Variants in FUCA1 observed in about 807,000 individuals in gnomAD.
FUCA1 encodes alpha-L-fucosidase 1.
A neutral mutation model predicts 56.8 loss-of-function variants in FUCA1; 52 were observed. The observed-to-expected ratio is 0.92, with a 90% CI of 0.73 to 1.15. FUCA1 has a LOEUF of 1.15. Ranked by LOEUF, FUCA1 falls within the 50% of genes most tolerant of loss-of-function variation. The pLI, the probability that FUCA1 is intolerant of heterozygous loss-of-function variation, is 0.00. For missense variants in FUCA1, 568 were observed against 592.6 expected, an observed-to-expected ratio of 0.96 and a Z score of 0.43; for synonymous variants, 230 against 226.6, an observed-to-expected ratio of 1.02 and a Z score of -0.14.
chr1:23,865,447 C>T, intron 2 of FUCA1, 44 bp downstream of exon 2: 1 of 1,613,646 alleles, frequency 6.2e-7, no homozygotes, highest in Non-Finnish European at 8.5e-7. Context: ...CTCTTGACAG[C>T]CAGATCCAAA....
intron 3 of FUCA1, among the ~76,000 whole-genome samples, chr1:23,861,159 T>C (rs1639502622): frequency 6.6e-6 from 1 of 151,024 alleles, no homozygotes; most frequent in African/African-American, 2.4e-5. Flanking sequence ...CCATCTCTAC[T>C]AAAAATACAA....
At chr1:23,852,628 A>G (rs2148441264) in intron 5 of FUCA1, among the ~76,000 whole-genome samples, 1 of 152,132 alleles carries the variant, frequency 6.6e-6, no homozygotes, top group South Asian at 2.1e-4. Flanking sequence ...GGTGCGCGCC[A>G]CCACGCCTGA....
chr1:23,852,845 G>A (rs1040704018), intron 5 of FUCA1, among the ~76,000 whole-genome samples: 2 of 151,776 alleles, frequency 1.3e-5, no homozygotes, highest in African/African-American at 2.4e-5. Flanking sequence ...CCTCCCAGCC[G>A]CCTGCCTTGG....
intron 2 of FUCA1, 148 bp downstream of exon 2, chr1:23,865,343 C>A: frequency 9.9e-7 from 1 of 1,006,850 alleles, no homozygotes; most frequent in East Asian, 2.5e-5. Flanking sequence ...ATATGCAAAC[C>A]TAGAAAACAC....
chr1:23,846,239 AT>A (rs1639137643), intron 6 of FUCA1, 66 bp from the exon 7 acceptor site: 1 of 985,312 alleles, frequency 1.0e-6, no homozygotes, highest in East Asian at 2.4e-5. Context: ...AACTTTATAC[AT>A]TTCCTCCTTT....
chr1:23,848,942 T>G, intron 5 of FUCA1, 103 bp from the exon 6 acceptor site: 1 of 986,238 alleles, frequency 1.0e-6, no homozygotes, highest in East Asian at 2.5e-5. Flanking sequence ...CACTCTGTTT[T>G]TTAAATATCC....
At chr1:23,856,390 T>C (rs1037591099) in intron 4 of FUCA1, among the ~76,000 whole-genome samples, 1 of 152,166 alleles carries the variant, frequency 6.6e-6, no homozygotes, top group African/African-American at 2.4e-5. Context: ...TACCCTCCAC[T>C]TTGGCATTCG....
chr1:23,852,555 C>T (rs1460753612), intron 5 of FUCA1, among the ~76,000 whole-genome samples: 5 of 152,176 alleles, frequency 3.3e-5, no homozygotes, highest in East Asian at 3.9e-4. Flanking sequence ...GCTGCCACCT[C>T]GGGTCACTGC....
chr1:23,865,342 C>G (rs1162129959), intron 2 of FUCA1, 149 bp downstream of exon 2: 8 of 997,074 alleles, frequency 8.0e-6, no homozygotes, highest in Middle Eastern at 2.4e-4. Flanking sequence ...TATATGCAAA[C>G]CTAGAAAACA....
intron 5 of FUCA1, among the ~76,000 whole-genome samples, chr1:23,852,021 A>T (rs528964629): frequency 2.7e-4 from 41 of 152,116 alleles, no homozygotes; most frequent in African/African-American, 8.9e-4. Context: ...AATTTAAAGT[A>T]AAATTTAAAA....
Position 23,868,178 on chromosome 1 carries a change from AGCG to A in FUCA1, c.106_108del (p.Arg36del), listed in dbSNP as rs1390121589. The A allele has an allele frequency of 6.2e-7, 1 of 1,605,574 alleles. No individual in the cohort carries two copies. Among genetic ancestry groups the A allele is most frequent in the Non-Finnish European group, 8.5e-7 (1 of 1,177,152 alleles). The stretch of plus-strand genomic sequence containing the variant: ...TCCAGGCTCGGCCAGTCTGGGGTGT[AGCG>A]GCGCGGAGGCTGGGCCCGACGCACC... On this transcript the variant is annotated inframe_deletion, in exon 1 of 8. Coordinates refer to ENST00000374479, the MANE Select transcript of FUCA1 (RefSeq NM_000147.5).
intron 3 of FUCA1, among the ~76,000 whole-genome samples, chr1:23,862,861 C>T (rs1000046142): frequency 4.6e-5 from 7 of 152,156 alleles, no homozygotes; most frequent in Non-Finnish European, 7.3e-5. Flanking sequence ...ATAGGGAAAA[C>T]GGCATGTAAG....
In FUCA1 at chr1:23,866,265, T is replaced by C. The variant is rs144012957; in HGVS notation, c.390-640A>G. Among the ~76,000 whole-genome samples the C allele has an allele frequency of 1.3e-4, 20 of 152,306 alleles. No homozygotes were observed. In the East Asian group the frequency reaches 3.1e-3, roughly 24 times the overall value. On this transcript the variant is annotated intron_variant, in intron 1 of 7. Coordinates refer to ENST00000374479, the MANE Select transcript of FUCA1 (RefSeq NM_000147.5). ...AGACAGAGGTTGCAGTGAGCCGAGA[T>C]CATGCAACTGTACTCCAGCCTGGGC...
intron 4 of FUCA1, among the ~76,000 whole-genome samples, chr1:23,858,870 C>T (rs775244586): frequency 1.3e-5 from 2 of 152,100 alleles, no homozygotes; most frequent in Non-Finnish European, 2.9e-5. Context: ...ACGTCAGCCT[C>T]CCCCCACATC....
chr1:23,865,948 A>G (rs1639615481), intron 1 of FUCA1, among the ~76,000 whole-genome samples: 1 of 152,228 alleles, frequency 6.6e-6, no homozygotes. Context: ...GGTAGGAACG[A>G]TTAACTTTCT....
At chr1:23,861,286 G>A (rs1639506393) in intron 3 of FUCA1, among the ~76,000 whole-genome samples, 1 of 123,404 alleles carries the variant, frequency 8.1e-6, no homozygotes, top group African/African-American at 3.2e-5. Context: ...TTGCGCCACT[G>A]TACTCCAGCC....
rs202000040 is a variant in FUCA1, at chr1:23,859,763, A to T, written c.768+35T>A. On this transcript the variant is annotated intron_variant, in intron 4 of 7. Coordinates refer to ENST00000374479, the MANE Select transcript of FUCA1 (RefSeq NM_000147.5). ...TTGGCTCCTTGCACTTTCTTTCTTCATAGGAGATAAATAAGAAGTCATATA... is the reference window on the plus strand; with the variant it reads ...TTGGCTCCTTGCACTTTCTTTCTTCTTAGGAGATAAATAAGAAGTCATATA... 1.4e-5 allele frequency: 19 copies of T among 1,363,542 alleles called. No individual in the cohort carries two copies. The Admixed American group carries it at 3.2e-4, about 23-fold the overall frequency. The allele number at this position is 1,363,542 out of a possible 1,614,324, so 84.5% of individuals were successfully genotyped here.
rs1639644443 is a variant in FUCA1 at position 23,867,330 on chromosome 1, C to A, written c.389+568G>T. On this transcript the variant is annotated intron_variant, in intron 1 of 7. Coordinates refer to ENST00000374479, the MANE Select transcript of FUCA1 (RefSeq NM_000147.5). This position sits in a 1 kb window ranked among gnomAD's most constrained non-coding sequence, Gnocchi z 4.9. ...CCAACAGTTCTCAGAGAGAGTCAGA[C>A]CCTTCCTGGACACTTCCTACGTAAA... 6.6e-6 allele frequency among the ~76,000 whole-genome samples: 1 copy of A among 152,142 alleles called. No homozygotes were observed. The highest frequency in any genetic ancestry group is 2.4e-5 in the African/African-American group (1 of 41,410).
chr1:23,857,728 C>T (rs1276230107), intron 4 of FUCA1, among the ~76,000 whole-genome samples: 4 of 151,626 alleles, frequency 2.6e-5, no homozygotes, highest in Non-Finnish European at 5.9e-5. Context: ...AGTGCAGTGG[C>T]GCCATCTTGG....
Sources: allele counts gnomAD v4.1 joint callset (sites outside exome capture counted in the v4.1 genomes callset), GRCh38; gene constraint gnomAD v4.1.1; non-coding constraint Gnocchi (gnomAD v3.1); transcripts MANE v1.5; gene names NCBI Gene and HGNC (gene_info 2026-07-23, HGNC 2026-07-21).